SLC26A7: variants seen among roughly 807,000 people sequenced by gnomAD.
SLC26A7 encodes solute carrier family 26 member 7.
A neutral mutation model predicts 82.5 loss-of-function variants in SLC26A7; 59 were observed. The ratio of observed to expected loss-of-function variants is 0.72; its 90% CI spans 0.58 to 0.89. The LOEUF is 0.89. SLC26A7 is among the 40% of genes least tolerant of loss of function. SLC26A7 has a pLI of 0.00. For synonymous variants in SLC26A7, 271 were observed against 274.3 expected (o/e 0.99, Z 0.12); for missense variants, 820 against 793.0 (o/e 1.03, Z -0.41).
At chr8:91,290,943 T>C (rs920756471) in intron 3 of SLC26A7, among the ~76,000 whole-genome samples, 2 of 152,148 alleles carry the variant, frequency 1.3e-5, no homozygotes, top group Non-Finnish European at 2.9e-5. Context: ...ATGTAGGAGC[T>C]TGTTAAAAGT....
rs946180560 is a variant in SLC26A7 at position 91,395,710 on chromosome 8, T to C, written c.*613T>C. 2 of 152,126 alleles carry C rather than the reference T, an allele frequency of 1.3e-5. No individual in the cohort carries two copies. The highest frequency in any genetic ancestry group is 4.8e-5 in the African/African-American group (2 of 41,438). The allele number at this position is 152,126 out of a possible 1,614,324, so 9.4% of individuals were successfully genotyped here. A position where few individuals can be genotyped will look rare whatever the true frequency, so the allele number is the denominator to read the frequency against. ...CCATTTCTGAAGTATTCAGGAATGT[T>C]TTCATAATCGAAAGAAACGGGTATC... On this transcript the variant is annotated 3_prime_UTR_variant, in exon 19 of 19. Transcript: ENST00000276609.
intron 5 of SLC26A7, among the ~76,000 whole-genome samples, chr8:91,332,926 T>C (rs1813134618): frequency 6.6e-6 from 1 of 152,170 alleles, no homozygotes; most frequent in Admixed American, 6.6e-5. Context: ...CATTTTCTAA[T>C]ATATTCTGTG....
At chr8:91,352,006 A>C (rs1813729971) in intron 10 of SLC26A7, 119 bp downstream of exon 10, 1 of 846,718 alleles carries the variant, frequency 1.2e-6, no homozygotes, top group Non-Finnish European at 1.9e-6. Context: ...CATGTTACAG[A>C]AGTAAAGTTT....
In SLC26A7 at chr8:91,351,849, A is replaced by T. The variant is rs1813725833; in HGVS notation, c.1180A>T (p.Ile394Phe). 1 of 1,612,578 alleles carries T rather than the reference A, an allele frequency of 6.2e-7. No homozygotes were observed. Among genetic ancestry groups the T allele is most frequent in the Non-Finnish European group, 8.5e-7 (1 of 1,178,948 alleles). Residue 394 changes from isoleucine (I) to phenylalanine (F), a missense_variant, in exon 10 of 19, where the codon ATC becomes TTC. Ile to Phe is a conservative substitution (Grantham distance 21). Transcript: ENST00000276609. ...ATCTTGCATTTTCGTCCTTATAGTCATCTATGCAATAGGACCTTTGCTTTA... is the reference window on the plus strand; with the variant it reads ...ATCTTGCATTTTCGTCCTTATAGTCTTCTATGCAATAGGACCTTTGCTTTA... The part of the protein sequence containing the change: ...LISCIFVLIV[I>F]YAIGPLLYWL...
intron 3 of SLC26A7, among the ~76,000 whole-genome samples, chr8:91,291,272 A>G (rs1811861122): frequency 6.6e-6 from 1 of 152,226 alleles, no homozygotes; most frequent in African/African-American, 2.4e-5. Context: ...TAAAAGTCAC[A>G]GGTGCATGGA....
At chr8:91,344,641 A>G (rs766773461) in intron 9 of SLC26A7, among the ~76,000 whole-genome samples, 2 of 152,248 alleles carry the variant, frequency 1.3e-5, no homozygotes, top group African/African-American at 2.4e-5. Flanking sequence ...GAAAGGAAGC[A>G]GTAACCAATT....
intron 2 of SLC26A7, among the ~76,000 whole-genome samples, chr8:91,224,415 G>T (rs1277186850): frequency 6.6e-6 from 1 of 152,126 alleles, no homozygotes; most frequent in Non-Finnish European, 1.5e-5. Context: ...CTGCATGTTT[G>T]TTTTCTTTCA....
chr8:91,310,971 A>C (rs1025707460), intron 4 of SLC26A7, among the ~76,000 whole-genome samples: 12 of 152,066 alleles, frequency 7.9e-5, no homozygotes, highest in African/African-American at 2.9e-4. Context: ...ATCCTGCTGT[A>C]AAACTTGTCT....
At chr8:91,270,676 C>T (rs1489254578) in intron 2 of SLC26A7, among the ~76,000 whole-genome samples, 1 of 152,158 alleles carries the variant, frequency 6.6e-6, no homozygotes, top group East Asian at 1.9e-4. Flanking sequence ...CTTCAGGTGT[C>T]TCTCTAAGGG....
chr8:91,285,853 G>A (rs928736372), intron 2 of SLC26A7, among the ~76,000 whole-genome samples: 4 of 152,162 alleles, frequency 2.6e-5, no homozygotes, highest in African/African-American at 7.2e-5. Context: ...ATCTAACAGA[G>A]GGGTTTTCTA....
chr8:91,261,259 G>A (rs1285778663), intron 2 of SLC26A7, among the ~76,000 whole-genome samples: 2 of 152,116 alleles, frequency 1.3e-5, no homozygotes, highest in African/African-American at 4.8e-5. Context: ...CTTGGAAAGC[G>A]ATAGAGGAGT....
exon 2 of SLC26A7, chr8:91,218,916 G>A (rs1414640076): frequency 1.3e-6 from 2 of 1,550,074 alleles, no homozygotes; most frequent in African/African-American, 2.7e-5. Context: ...AGAATCTGAA[G>A]CTGGTGCCTC....
At chr8:91,370,512 A>C (rs1297899227) in intron 15 of SLC26A7, among the ~76,000 whole-genome samples, 11 of 152,070 alleles carry the variant, frequency 7.2e-5, no homozygotes, top group Non-Finnish European at 1.5e-5. Context: ...ACAAACTAGC[A>C]CTTTAAAGCT....
intron 2 of SLC26A7, among the ~76,000 whole-genome samples, chr8:91,221,255 A>C (rs1810156312): frequency 6.6e-6 from 1 of 151,950 alleles, no homozygotes; most frequent in Non-Finnish European, 1.5e-5. Context: ...GTTCCTTGTA[A>C]ATTCTGGATA....
At chr8:91,303,108 C>G (rs1242553286) in intron 4 of SLC26A7, among the ~76,000 whole-genome samples, 1 of 152,072 alleles carries the variant, frequency 6.6e-6, no homozygotes. Flanking sequence ...GACAATTTTT[C>G]TAGCTAAAAA....
chr8:91,269,353 G>C (rs895617033), intron 2 of SLC26A7, among the ~76,000 whole-genome samples: 3 of 152,020 alleles, frequency 2.0e-5, no homozygotes, highest in Non-Finnish European at 2.9e-5. Flanking sequence ...ACTTCGCTTA[G>C]TACATATATT....
In SLC26A7 at chr8:91,249,545, C is replaced by A; in HGVS notation, c.-107C>A. On this transcript the variant is annotated 5_prime_UTR_variant, in exon 2 of 19. Transcript: ENST00000276609. ...TTACTTATTTTCTGGGCAGCTTTGACATTGTAAACCACAGACGAATTGGAG... is the reference window on the plus strand; with the variant it reads ...TTACTTATTTTCTGGGCAGCTTTGAAATTGTAAACCACAGACGAATTGGAG... 1.2e-6 allele frequency: 1 copy of A among 843,194 alleles called. No homozygotes were observed. The highest frequency in any genetic ancestry group is 1.7e-6 in the Non-Finnish European group (1 of 594,010). 52.2% of individuals were successfully genotyped at this position (843,194 alleles called of 1,614,324 possible). A position where few individuals can be genotyped will look rare whatever the true frequency, so the allele number is the denominator to read the frequency against.
exon 2 of SLC26A7, chr8:91,218,997 G>A: frequency 1.3e-6 from 2 of 1,535,084 alleles, no homozygotes; most frequent in Non-Finnish European, 1.8e-6. Flanking sequence ...TTGCTCAGGT[G>A]TAGAACAGGT....
chr8:91,223,860 G>C (rs1428331565), intron 2 of SLC26A7, among the ~76,000 whole-genome samples: 3 of 151,918 alleles, frequency 2.0e-5, no homozygotes, highest in African/African-American at 4.8e-5. Flanking sequence ...TTTCTTGGAG[G>C]CTTTGTTCAT....
Sources: allele counts gnomAD v4.1 joint callset (sites outside exome capture counted in the v4.1 genomes callset), GRCh38; gene constraint gnomAD v4.1.1; transcripts MANE v1.5; gene names NCBI Gene and HGNC (gene_info 2026-07-23, HGNC 2026-07-21).